The following MARCHF3 variants were observed in gnomAD, a reference collection of about 807,000 sequenced individuals.
MARCHF3 encodes membrane associated ring-CH-type finger 3.
Under a neutral mutation model 24.2 loss-of-function variants are expected in MARCHF3, and 13 were observed. The observed-to-expected ratio is 0.54, with a 90% CI of 0.35 to 0.85. The LOEUF (loss-of-function observed/expected upper bound fraction) is 0.85. MARCHF3 is among the 40% of genes least tolerant of loss of function. MARCHF3 has a pLI of 0.01. For missense variants in MARCHF3, 276 were observed against 325.0 expected (o/e 0.85, Z 1.16); for synonymous variants, 144 against 137.3 (o/e 1.05, Z -0.34).
chr5:127,015,220 A>G (rs893626966), intron 1 of MARCHF3, among the ~76,000 whole-genome samples: 1 of 152,218 alleles, frequency 6.6e-6, no homozygotes, highest in South Asian at 2.1e-4. Context: ...TTAGCTCAGA[A>G]GTATATTTCA....
chr5:126,941,018 TTTAA>T (rs1337080490), intron 1 of MARCHF3, among the ~76,000 whole-genome samples: 2 of 152,192 alleles, frequency 1.3e-5, no homozygotes, highest in Non-Finnish European at 2.9e-5. Flanking sequence ...AGTCGGAAAC[TTTAA>T]TTTTCAAAAA....
chr5:126,878,445 G>C, intron 3 of MARCHF3, 51 bp from the exon 4 acceptor site: 1 of 1,535,636 alleles, frequency 6.5e-7, no homozygotes, highest in Non-Finnish European at 8.9e-7. Flanking sequence ...TTAAATGCCA[G>C]TGTGGAGTGG....
chr5:127,006,174 G>A (rs1192353957), intron 1 of MARCHF3, among the ~76,000 whole-genome samples: 2 of 146,678 alleles, frequency 1.4e-5, no homozygotes, highest in African/African-American at 5.1e-5. Flanking sequence ...CTGGACTCCA[G>A]CCTGGGAGAC....
At chr5:127,026,625 C>T (rs1438325992) in intron 1 of MARCHF3, among the ~76,000 whole-genome samples, 3 of 152,208 alleles carry the variant, frequency 2.0e-5, no homozygotes, top group African/African-American at 4.8e-5. Flanking sequence ...CCTATCATAT[C>T]ACCACAATCC....
intron 1 of MARCHF3, among the ~76,000 whole-genome samples, chr5:126,966,934 TTTTTTTTTTTTG>T (rs1750836946): frequency 8.1e-6 from 1 of 122,876 alleles, no homozygotes; most frequent in African/African-American, 3.3e-5. Context: ...TTTTTTTTTT[TTTTTTTTTTTTG>T]CTATTACCTA....
At chr5:127,004,609 TTAGC>T (rs1752248170) in intron 1 of MARCHF3, among the ~76,000 whole-genome samples, 1 of 152,166 alleles carries the variant, frequency 6.6e-6, no homozygotes, top group Admixed American at 6.5e-5. Context: ...ATTTGCCAAT[TTAGC>T]TAAGAGTTCA....
intron 1 of MARCHF3, among the ~76,000 whole-genome samples, chr5:126,973,879 A>ATTTTTTT (rs10585434): frequency 2.4e-5 from 2 of 82,972 alleles, no homozygotes; most frequent in Non-Finnish European, 4.4e-5. Context: ...AGCAAAATCT[A>ATTTTTTT]TTTTTTTTTT....
intron 3 of MARCHF3, among the ~76,000 whole-genome samples, chr5:126,879,439 C>G (rs892585038): frequency 1.3e-5 from 2 of 152,160 alleles, no homozygotes; most frequent in African/African-American, 4.8e-5. Context: ...GATCCTGAAC[C>G]TCCTCACTTA....
intron 1 of MARCHF3, among the ~76,000 whole-genome samples, chr5:126,924,509 C>T (rs1016599308): frequency 6.6e-6 from 1 of 152,218 alleles, no homozygotes; most frequent in Non-Finnish European, 1.5e-5. Flanking sequence ...AGGGATGCCG[C>T]TCTTTGATAG....
intron 3 of MARCHF3, among the ~76,000 whole-genome samples, chr5:126,883,797 C>T (rs918968434): frequency 9.2e-5 from 14 of 152,328 alleles, no homozygotes; most frequent in African/African-American, 3.4e-4. Context: ...GTAGACAGGA[C>T]ACTGTGCAGG....
At chr5:126,996,968 G>A (rs73786287) in intron 1 of MARCHF3, among the ~76,000 whole-genome samples, 7,849 of 152,176 alleles carry the variant, frequency 0.052, 375 homozygotes, top group South Asian at 0.14. Flanking sequence ...TATCTGGGGA[G>A]TGAAAAATGA....
At position 126,893,986 on chromosome 5, in the gene MARCHF3, C is replaced by CAT. The variant is rs1399533241; in HGVS notation, c.394-15594_394-15593dup. On this transcript the variant is annotated intron_variant, in intron 3 of 4. Transcript: ENST00000308660. ...AATCTGGGTGCTCCTGTATTGGGTG[C>CAT]ATATATATTTAGGATAGTTAGCTCT... is the stretch of plus-strand genomic sequence containing the variant. 3.6e-4 allele frequency among the ~76,000 whole-genome samples: 47 copies of CAT among 130,620 alleles called. No homozygotes were observed. In the South Asian group the frequency reaches 3.6e-3, roughly 10 times the overall value. The allele number at this position is 130,620 out of a possible 152,430, so 85.7% of individuals were successfully genotyped here. A position where few individuals can be genotyped will look rare whatever the true frequency, so the allele number is the denominator to read the frequency against.
Position 126,878,183 on chromosome 5 carries a change from A to G in MARCHF3, c.603+2T>C. ...TGAACCCCAGCCACGGCCCATACTT[A>G]CTAGTGTCCAAAAGAGGTAAATAGT... is the stretch of plus-strand genomic sequence containing the variant. On this transcript the variant is annotated splice_donor_variant, in intron 4 of 4. Transcript: ENST00000308660. LOFTEE classifies it high-confidence loss of function. 1.2e-6 allele frequency: 2 copies of G among 1,614,024 alleles called. No homozygotes were observed. Among genetic ancestry groups the G allele is most frequent in the African/African-American group, 1.3e-5 (1 of 75,050 alleles).
At chr5:127,010,217 A>G (rs867344466) in intron 1 of MARCHF3, among the ~76,000 whole-genome samples, 7 of 152,180 alleles carry the variant, frequency 4.6e-5, no homozygotes, top group East Asian at 1.9e-4. Context: ...TAGGTAACCA[A>G]TTTCATAAGG....
Position 126,987,222 on chromosome 5 carries a change from TTCAG to T in MARCHF3, c.-57+43124_-57+43127del, listed in dbSNP as rs1751596266. Among the ~76,000 whole-genome samples the T allele has an allele frequency of 2.6e-5, 4 of 152,350 alleles. No individual in the cohort carries two copies. The East Asian group carries it at 7.7e-4, about 29-fold the overall frequency. ...AGTTATTCATTAGTGGGTATAAAGTTTCAGTCAAACAAGATGAATATGCCCTAGA... is the reference window on the plus strand; with the variant it reads ...AGTTATTCATTAGTGGGTATAAAGTTTCAAACAAGATGAATATGCCCTAGA... On this transcript the variant is annotated intron_variant, in intron 1 of 4. Transcript: ENST00000308660.
At chr5:126,972,589 T>C (rs1344217094) in intron 1 of MARCHF3, among the ~76,000 whole-genome samples, 5 of 152,174 alleles carry the variant, frequency 3.3e-5, no homozygotes, top group African/African-American at 9.7e-5. Context: ...CATTCATTAA[T>C]TGAGGGTCAG....
chr5:126,938,501 TG>T (rs1340738309), intron 1 of MARCHF3, among the ~76,000 whole-genome samples: 1 of 151,240 alleles, frequency 6.6e-6, no homozygotes, highest in African/African-American at 2.4e-5. Context: ...TTGTTGTTGT[TG>T]TTTTTAAAAG....
chr5:126,912,672 A>G (rs1174462000), intron 3 of MARCHF3, among the ~76,000 whole-genome samples: 4 of 152,208 alleles, frequency 2.6e-5, no homozygotes, highest in African/African-American at 9.6e-5. Flanking sequence ...GGAAAAGTCA[A>G]TTAGTAATGT....
intron 3 of MARCHF3, chr5:126,899,154 G>A (rs1028727569): frequency 2.8e-5 from 28 of 985,222 alleles, no homozygotes; most frequent in Middle Eastern, 1.0e-3. Flanking sequence ...GAAAGGAGGC[G>A]GGCAGTGGTG....
Sources: gnomAD v4.1 joint callset for allele counts (sites outside exome capture counted in the v4.1 genomes callset) on GRCh38, gnomAD v4.1.1 for gene constraint, MANE v1.5 for transcripts, NCBI Gene and HGNC (gene_info 2026-07-23, HGNC 2026-07-21) for gene names.